Variants in ZNRF4 observed in about 807,000 individuals in gnomAD.
The protein encoded by ZNRF4 is zinc and ring finger 4.
For missense variants in ZNRF4, 569 were observed against 609.4 expected, an observed-to-expected ratio of 0.93 and a Z score of 0.70; for synonymous variants, 291 against 285.9, an observed-to-expected ratio of 1.02 and a Z score of -0.18.
At position 5,456,701 on chromosome 19, in the gene ZNRF4, C is replaced by G; in HGVS notation, c.1210C>G (p.His404Asp). 3 of 1,612,038 alleles carry G rather than the reference C, an allele frequency of 1.9e-6. No homozygotes were observed. The highest frequency in any genetic ancestry group is 2.5e-6 in the Non-Finnish European group (3 of 1,178,612). The change falls in exon 1 of 1, where the codon CAC becomes GAC. Residue 404 changes from histidine to aspartate, a missense_variant. His to Asp is a moderately conservative substitution (Grantham distance 81, BLOSUM62 -1). Transcript: ENST00000222033. ...RLELLGRASP[H>D]CHCSTTSLEA... is the part of the protein sequence containing the mutation. Reference sequence around the variant, plus strand: ...GGAGCTGCTGGGCCGCGCCAGTCCCCACTGCCACTGCAGCACCACGTCCCT... The same window carrying G: ...GGAGCTGCTGGGCCGCGCCAGTCCCGACTGCCACTGCAGCACCACGTCCCT...
In ZNRF4 at chr19:5,456,600, G is replaced by A. The variant is rs2051620060; in HGVS notation, c.1109G>A (p.Arg370Lys). ...DSFDSTTYSF[R>K]DEDPSLPGHR... ...TTTGACTCCACCACCTACAGCTTCA[G>A]GGACGAGGACCCCTCCCTACCGGGC... is the stretch of plus-strand genomic sequence containing the variant. Residue 370 changes from arginine to lysine, a missense_variant, in exon 1 of 1, where the codon AGG (arginine) becomes AAG (lysine). Coordinates refer to ENST00000222033, the MANE Select transcript of ZNRF4 (RefSeq NM_181710.4). 1 of 1,613,456 alleles carries A rather than the reference G, an allele frequency of 6.2e-7. No homozygotes were observed. Among genetic ancestry groups the A allele is most frequent in the Non-Finnish European group, 8.5e-7 (1 of 1,179,564 alleles).
rs764106765 is a variant in ZNRF4, at chr19:5,456,286, C to A, written c.795C>A (p.Val265=). The change falls in exon 1 of 1, where the codon GTC becomes GTA. Residue 265 remains valine, a synonymous_variant. Coordinates refer to ENST00000222033, the MANE Select transcript of ZNRF4 (RefSeq NM_181710.4). ...TGCTGGGCTGTACCCTGGCCCTGGT[C>A]GTATCAGCCTTCTTTGTCCTGAACC... ...SWVLGCTLAL[V]VSAFFVLNHL... 1.2e-6 allele frequency: 2 copies of A among 1,613,764 alleles called. No individual in the cohort carries two copies. The highest frequency in any genetic ancestry group is 1.7e-6 in the Non-Finnish European group (2 of 1,180,046).
Position 5,455,830 on chromosome 19 carries a change from T to G in ZNRF4, c.339T>G (p.Phe113Leu), listed in dbSNP as rs2051611933. ...AAGACAACTCGAGCTCGGTGGACTT[T>G]GCGGATCTGCCGGCGCTGTTCGGCG... is the stretch of plus-strand genomic sequence containing the variant. ...VLEDNSSSVDFADLPALFGVP... is the reference protein window; with the variant it reads ...VLEDNSSSVDLADLPALFGVP... The change falls in exon 1 of 1, where the codon TTT (phenylalanine) becomes TTG (leucine). Residue 113 changes from phenylalanine to leucine, a missense_variant. Coordinates refer to ENST00000222033, the MANE Select transcript of ZNRF4 (RefSeq NM_181710.4). The G allele has an allele frequency of 6.2e-7, 1 of 1,604,132 alleles. No homozygotes were observed. Among genetic ancestry groups the G allele is most frequent in the African/African-American group, 1.3e-5 (1 of 75,042 alleles).
At position 5,456,443 on chromosome 19, in the gene ZNRF4, G is replaced by A. The variant is rs1217140655; in HGVS notation, c.952G>A (p.Glu318Lys). ...TGCCATCTGCCTGGATGAGTATGAG[G>A]AGGGCGACCAACTCAAGATCCTGCC... Reference protein sequence around the residue: ...LCAICLDEYEEGDQLKILPCS... With the variant: ...LCAICLDEYEKGDQLKILPCS... Residue 318 changes from glutamate (E) to lysine (K), a missense_variant, in exon 1 of 1, where the codon GAG becomes AAG. Glu to Lys is a moderately conservative substitution (Grantham distance 56). Coordinates refer to ENST00000222033, the MANE Select transcript of ZNRF4 (RefSeq NM_181710.4). 2 of 1,613,770 alleles carry A rather than the reference G, an allele frequency of 1.2e-6. No homozygotes were observed. The highest frequency in any genetic ancestry group is 1.7e-6 in the Non-Finnish European group (2 of 1,180,024).
chr19:5,455,689 G>A lies in ZNRF4; in HGVS notation c.198G>A (p.Ala66=), dbSNP rs747388561. 21 of 1,609,048 alleles carry A rather than the reference G, an allele frequency of 1.3e-5. 1 individual carries two copies. The South Asian group carries it at 1.8e-4, about 13-fold the overall frequency. Residue 66 remains alanine (A), a synonymous_variant, in exon 1 of 1, where the codon GCG becomes GCA. Transcript: ENST00000222033. ...TGGGACCTAGCAGCACACAGACAGC[G>A]AAGCGGGTGACCATGGGGTGGCCAC... ...PPVGPSSTQT[A]KRVTMGWPRP...
rs201002446 is a variant in ZNRF4 at position 5,456,430 on chromosome 19, G to C, written c.939G>C (p.Leu313=). 5 of 1,613,654 alleles carry C rather than the reference G, an allele frequency of 3.1e-6. No homozygotes were observed. Among genetic ancestry groups the C allele is most frequent in the Non-Finnish European group, 4.2e-6 (5 of 1,180,036 alleles). Residue 313 remains leucine (L), a synonymous_variant, in exon 1 of 1, where the codon CTG becomes CTC. Transcript: ENST00000222033. ...ACAACGACCTGTGTGCCATCTGCCT[G>C]GATGAGTATGAGGAGGGCGACCAAC... is the stretch of plus-strand genomic sequence containing the variant. ...TWHNDLCAIC[L]DEYEEGDQLK... is the part of the protein sequence containing the mutation.
rs1392561691 is a variant in ZNRF4, at chr19:5,456,129, T to C, written c.638T>C (p.Phe213Ser). 10 of 1,606,976 alleles carry C rather than the reference T, an allele frequency of 6.2e-6. No individual in the cohort carries two copies. The Admixed American group carries it at 1.5e-4, about 24-fold the overall frequency. The change falls in exon 1 of 1, where the codon TTC becomes TCC. Residue 213 changes from phenylalanine to serine, a missense_variant. Phe to Ser is a radical substitution (Grantham distance 155). Coordinates refer to ENST00000222033, the MANE Select transcript of ZNRF4 (RefSeq NM_181710.4). ...GGCCAGATCGCCATCCCCTCAGTGT[T>C]CGTGAGCGAGGCCGCCTCGCAGGAC... ...LRGQIAIPSV[F>S]VSEAASQDLR...
chr19:5,456,158 C>G lies in ZNRF4; in HGVS notation c.667C>G (p.Arg223Gly), dbSNP rs368220196. The change falls in exon 1 of 1, where the codon CGG becomes GGG. Residue 223 changes from arginine (R) to glycine (G), a missense_variant. By Grantham distance (125) the Arg-to-Gly change is moderately radical. Transcript: ENST00000222033. ...FVSEAASQDL[R>G]VILGCNKSAH... ...GAGCGAGGCCGCCTCGCAGGACCTGCGGGTCATCCTGGGCTGCAACAAGTC... is the reference window on the plus strand; with the variant it reads ...GAGCGAGGCCGCCTCGCAGGACCTGGGGGTCATCCTGGGCTGCAACAAGTC... The G allele has an allele frequency of 2.5e-6, 4 of 1,607,448 alleles. No homozygotes were observed. Among genetic ancestry groups the G allele is most frequent in the East Asian group, 2.2e-5 (1 of 44,858 alleles).
chr19:5,455,965 C>T lies in ZNRF4; in HGVS notation c.474C>T (p.Ile158=), dbSNP rs61740902. ...TGGGCAACCGCTCTCTGGGCGCCAT[C>T]GTGCTGATCCGCCGCTACGACTGCA... ...PRLGNRSLGA[I]VLIRRYDCTF... Residue 158 remains isoleucine (I), a synonymous_variant, in exon 1 of 1, where the codon ATC becomes ATT. Transcript: ENST00000222033. 0.22 allele frequency: 345,589 copies of T among 1,600,118 alleles called. 39,761 individuals carry two copies. The highest frequency in any genetic ancestry group is 0.25 in the Middle Eastern group (1,487 of 6,060).
In ZNRF4 at chr19:5,456,137, G is replaced by A. The variant is rs541728675; in HGVS notation, c.646G>A (p.Glu216Lys). The change falls in exon 1 of 1, where the codon GAG (glutamate) becomes AAG (lysine). Residue 216 changes from glutamate to lysine, a missense_variant. Coordinates refer to ENST00000222033, the MANE Select transcript of ZNRF4 (RefSeq NM_181710.4). ...CGCCATCCCCTCAGTGTTCGTGAGCGAGGCCGCCTCGCAGGACCTGCGGGT... is the reference window on the plus strand; with the variant it reads ...CGCCATCCCCTCAGTGTTCGTGAGCAAGGCCGCCTCGCAGGACCTGCGGGT... ...QIAIPSVFVS[E>K]AASQDLRVIL... is the part of the protein sequence containing the mutation. The A allele has an allele frequency of 1.9e-6, 3 of 1,607,126 alleles. No individual in the cohort carries two copies. The highest frequency in any genetic ancestry group is 2.2e-5 in the East Asian group (1 of 44,858).
chr19:5,456,220 C>T lies in ZNRF4; in HGVS notation c.729C>T (p.Cys243=). 2 of 1,611,588 alleles carry T rather than the reference C, an allele frequency of 1.2e-6. No homozygotes were observed. Among genetic ancestry groups the T allele is most frequent in the Non-Finnish European group, 1.7e-6 (2 of 1,179,978 alleles). The change falls in exon 1 of 1, where the codon TGC becomes TGT. Residue 243 remains cysteine (C), a synonymous_variant. Coordinates refer to ENST00000222033, the MANE Select transcript of ZNRF4 (RefSeq NM_181710.4). The part of the protein sequence containing the change: ...HALLLPDDPP[C]HDLGCHPVLT... ...TGCTCCTGCCCGACGACCCACCGTG[C>T]CACGACCTGGGCTGTCACCCCGTGC...
chr19:5,456,340 C>T lies in ZNRF4; in HGVS notation c.849C>T (p.Cys283=), dbSNP rs571689239. The change falls in exon 1 of 1, where the codon TGC becomes TGT. Residue 283 remains cysteine, a synonymous_variant. Coordinates refer to ENST00000222033, the MANE Select transcript of ZNRF4 (RefSeq NM_181710.4). ...TGTGGCTCTGGGCCCAGGCCTGCTG[C>T]AGCCACAGACGGCCGGTGAAGACGT... ...NHLWLWAQAC[C]SHRRPVKTST... The T allele has an allele frequency of 3.7e-6, 6 of 1,613,684 alleles. No homozygotes were observed. The highest frequency in any genetic ancestry group is 1.7e-5 in the Admixed American group (1 of 60,024).
chr19:5,456,449 G>A lies in ZNRF4; in HGVS notation c.958G>A (p.Asp320Asn), dbSNP rs770950456. ...AICLDEYEEG[D>N]QLKILPCSHT... ...CTGCCTGGATGAGTATGAGGAGGGC[G>A]ACCAACTCAAGATCCTGCCCTGCTC... Residue 320 changes from aspartate (D) to asparagine (N), a missense_variant, in exon 1 of 1, where the codon GAC becomes AAC. Coordinates refer to ENST00000222033, the MANE Select transcript of ZNRF4 (RefSeq NM_181710.4). 16 of 1,613,706 alleles carry A rather than the reference G, an allele frequency of 9.9e-6. No individual in the cohort carries two copies. The highest frequency in any genetic ancestry group is 6.7e-5 in the East Asian group (3 of 44,874).
rs2051608000 is a variant in ZNRF4, at chr19:5,455,424, C to T, written c.-68C>T. On this transcript the variant is annotated 5_prime_UTR_variant, in exon 1 of 1. Transcript: ENST00000222033. Reference sequence around the variant, plus strand: ...CTAGAACCCTGGTGACTCCTGGTCTCCATGTCATCTGCCAGAAAGGCCACC... The same window carrying T: ...CTAGAACCCTGGTGACTCCTGGTCTTCATGTCATCTGCCAGAAAGGCCACC... 1.3e-6 allele frequency: 2 copies of T among 1,483,444 alleles called. No individual in the cohort carries two copies. The highest frequency in any genetic ancestry group is 9.1e-7 in the Non-Finnish European group (1 of 1,102,882). 91.9% of individuals were successfully genotyped at this position (1,483,444 alleles called of 1,614,324 possible).
In ZNRF4 at chr19:5,456,741, C is replaced by T; in HGVS notation, c.1250C>T (p.Thr417Ile). 1 of 1,590,102 alleles carries T rather than the reference C, an allele frequency of 6.3e-7. No individual in the cohort carries two copies. Among genetic ancestry groups the T allele is most frequent in the Non-Finnish European group, 8.6e-7 (1 of 1,164,218 alleles). Residue 417 changes from threonine to isoleucine, a missense_variant, in exon 1 of 1, where the codon ACC becomes ATC. By Grantham distance (89) the Thr-to-Ile change is moderately conservative. Transcript: ENST00000222033. Reference protein sequence around the residue: ...CSTTSLEAEYTTVSSAPPEAP... With the variant: ...CSTTSLEAEYITVSSAPPEAP... ...ACCACGTCCCTGGAGGCAGAGTATA[C>T]CACTGTCTCCTCAGCCCCTCCTGAG...
chr19:5,456,251 G>A lies in ZNRF4; in HGVS notation c.760G>A (p.Val254Met), dbSNP rs769725302. Residue 254 changes from valine to methionine, a missense_variant, in exon 1 of 1, where the codon GTG (valine) becomes ATG (methionine). Coordinates refer to ENST00000222033, the MANE Select transcript of ZNRF4 (RefSeq NM_181710.4). ...CCTGGGCTGTCACCCCGTGCTGACC[G>A]TGTCCTGGGTGCTGGGCTGTACCCT... ...HDLGCHPVLT[V>M]SWVLGCTLAL... The A allele has an allele frequency of 5.8e-5, 93 of 1,612,968 alleles. No individual in the cohort carries two copies. Among genetic ancestry groups the A allele is most frequent in the South Asian group, 7.7e-5 (7 of 91,084 alleles).
chr19:5,455,721 G>C lies in ZNRF4; in HGVS notation c.230G>C (p.Gly77Ala). 6.2e-7 allele frequency: 1 copy of C among 1,607,082 alleles called. No homozygotes were observed. Among genetic ancestry groups the C allele is most frequent in the Non-Finnish European group, 8.5e-7 (1 of 1,179,808 alleles). ...GTGACCATGGGGTGGCCACGGCCGGGCCGAGCCCTCGTGGCAGTCAAAGCC... is the reference window on the plus strand; with the variant it reads ...GTGACCATGGGGTGGCCACGGCCGGCCCGAGCCCTCGTGGCAGTCAAAGCC... ...KRVTMGWPRP[G>A]RALVAVKALL... The change falls in exon 1 of 1, where the codon GGC (glycine) becomes GCC (alanine). Residue 77 changes from glycine (G) to alanine (A), a missense_variant. By Grantham distance (60) the Gly-to-Ala change is moderately conservative. Transcript: ENST00000222033.
At position 5,456,025 on chromosome 19, in the gene ZNRF4, C is replaced by G. The variant is rs370875203; in HGVS notation, c.534C>G (p.Ala178=). The G allele has an allele frequency of 6.2e-7, 1 of 1,601,482 alleles. No homozygotes were observed. The highest frequency in any genetic ancestry group is 1.1e-5 in the South Asian group (1 of 91,084). Reference sequence around the variant, plus strand: ...TCAAGGTGCTGAACGCCCAGCGCGCCGGCTTCGAGGCGGCCATCGTGCACA... The same window carrying G: ...TCAAGGTGCTGAACGCCCAGCGCGCGGGCTTCGAGGCGGCCATCGTGCACA... The part of the protein sequence containing the change: ...FDLKVLNAQR[A]GFEAAIVHNV... Residue 178 remains alanine, a synonymous_variant, in exon 1 of 1, where the codon GCC becomes GCG. Transcript: ENST00000222033.
At position 5,456,762 on chromosome 19, in the gene ZNRF4, C is replaced by G; in HGVS notation, c.1271C>G (p.Pro424Arg). The change falls in exon 1 of 1, where the codon CCT becomes CGT. Residue 424 changes from proline to arginine, a missense_variant. Coordinates refer to ENST00000222033, the MANE Select transcript of ZNRF4 (RefSeq NM_181710.4). ...TATACCACTGTCTCCTCAGCCCCTC[C>G]TGAGGCCCCTGGTCAGTAAAGATCT... ...AEYTTVSSAP[P>R]EAPGQ 6.4e-7 allele frequency: 1 copy of G among 1,563,910 alleles called. No homozygotes were observed. The highest frequency in any genetic ancestry group is 8.7e-7 in the Non-Finnish European group (1 of 1,150,694).
Sources: gnomAD v4.1 joint callset for allele counts on GRCh38, gnomAD v4.1.1 for gene constraint, MANE v1.5 for transcripts, NCBI Gene and HGNC (gene_info 2026-07-23, HGNC 2026-07-21) for gene names.